Variants in GABRA5 observed in about 807,000 individuals in gnomAD.
The protein encoded by GABRA5 is gamma-aminobutyric acid receptor subunit alpha-5.
In GABRA5, 18 loss-of-function variants were observed where a neutral mutation model predicts 47.3. That is an observed-to-expected ratio of 0.38 (90% CI 0.26 to 0.56). GABRA5 has a LOEUF of 0.56. Ranked by LOEUF, GABRA5 falls within the 20% of genes least tolerant of loss-of-function variation. The probability of loss-of-function intolerance (pLI) is 0.71; values close to 1 mark genes in which losing one functional copy is unlikely to be tolerated. For synonymous variants in GABRA5, 237 were observed against 229.3 expected (o/e 1.03, Z -0.30); for missense variants, 365 against 599.3 (o/e 0.61, Z 4.08).
intron 3 of GABRA5, among the ~76,000 whole-genome samples, chr15:26,874,847 T>C (rs73363973): frequency 0.38 from 58,160 of 152,128 alleles, 11,376 homozygotes; most frequent in East Asian, 0.47. Context: ...ACAAGAACAA[T>C]TGGGCCATCA....
At chr15:26,869,737 G>T (rs910200167) in intron 3 of GABRA5, among the ~76,000 whole-genome samples, 2 of 152,212 alleles carry the variant, frequency 1.3e-5, no homozygotes, top group African/African-American at 4.8e-5. Context: ...TGCAATCAAA[G>T]TTGCCTTGAA....
intron 8 of GABRA5, among the ~76,000 whole-genome samples, chr15:26,939,024 A>C (rs1894316770): frequency 2.0e-5 from 3 of 152,142 alleles, no homozygotes; most frequent in African/African-American, 7.2e-5. Context: ...TGGAGCCCCC[A>C]AAGCCTGTTC....
chr15:26,937,656 AC>A (rs1249423468), intron 8 of GABRA5, among the ~76,000 whole-genome samples: 3 of 152,110 alleles, frequency 2.0e-5, no homozygotes, highest in Non-Finnish European at 4.4e-5. Context: ...CTGCTTCCCC[AC>A]CTCCTGCTTT....
At chr15:26,923,912 A>ATT (rs569522995) in intron 7 of GABRA5, among the ~76,000 whole-genome samples, 1 of 149,236 alleles carries the variant, frequency 6.7e-6, no homozygotes, top group East Asian at 2.0e-4. Flanking sequence ...TAAAACTTCT[A>ATT]TTTTTTTTTC....
intron 7 of GABRA5, among the ~76,000 whole-genome samples, chr15:26,929,176 G>A (rs1452628950): frequency 6.6e-6 from 1 of 152,194 alleles, no homozygotes; most frequent in Non-Finnish European, 1.5e-5. Flanking sequence ...GAGACCCAAG[G>A]TATGATTTAT....
At chr15:26,946,247 A>G (rs764929512) in intron 10 of GABRA5, among the ~76,000 whole-genome samples, 2 of 152,146 alleles carry the variant, frequency 1.3e-5, no homozygotes, top group African/African-American at 2.4e-5. Context: ...ATGAGACTAT[A>G]TTACTTTAGT....
chr15:26,891,347 G>A (rs1893000627), intron 6 of GABRA5, among the ~76,000 whole-genome samples: 2 of 152,174 alleles, frequency 1.3e-5, no homozygotes, highest in Admixed American at 6.5e-5. Flanking sequence ...TATCTTTATC[G>A]TCCTTCACAA....
chr15:26,874,890 C>T (rs1416497631), intron 3 of GABRA5, among the ~76,000 whole-genome samples: 2 of 152,178 alleles, frequency 1.3e-5, no homozygotes, highest in Non-Finnish European at 2.9e-5. Context: ...GTTTCAGGAC[C>T]GCTGGTGAAT....
rs571383770 is a variant in GABRA5, at chr15:26,877,876, C to G, written c.87-2970C>G. ...TCAAATATTTCTGTTATGTCTAAGA[C>G]TGTTGTTAGTAATAGGGATATAATC... is the stretch of plus-strand genomic sequence containing the variant. On this transcript the variant is annotated intron_variant, in intron 3 of 10. Transcript: ENST00000335625. Among the ~76,000 whole-genome samples the G allele has an allele frequency of 2.0e-4, 31 of 152,258 alleles. No individual in the cohort carries two copies. In the South Asian group the frequency reaches 6.0e-3, roughly 30 times the overall value.
chr15:26,919,096 T>C (rs1415211503), intron 7 of GABRA5, among the ~76,000 whole-genome samples: 1 of 152,154 alleles, frequency 6.6e-6, no homozygotes, highest in East Asian at 1.9e-4. Context: ...TGAGCCATAT[T>C]TACCCCACTG....
At chr15:26,888,901 G>T (rs1304797686) in intron 6 of GABRA5, among the ~76,000 whole-genome samples, 1 of 152,226 alleles carries the variant, frequency 6.6e-6, no homozygotes, top group African/African-American at 2.4e-5. Context: ...CAGGCAAGGA[G>T]GGAGTCCCTA....
chr15:26,875,899 T>C (rs1400230027), intron 3 of GABRA5, among the ~76,000 whole-genome samples: 3 of 152,148 alleles, frequency 2.0e-5, no homozygotes, highest in Non-Finnish European at 4.4e-5. Flanking sequence ...AAGCTCACTC[T>C]GGGTGCAGAG....
chr15:26,929,000 C>T (rs1046779434), intron 7 of GABRA5, among the ~76,000 whole-genome samples: 1 of 152,154 alleles, frequency 6.6e-6, no homozygotes, highest in Non-Finnish European at 1.5e-5. Flanking sequence ...ATGCCATCAT[C>T]TTGGGGCTGA....
chr15:26,893,324 G>A (rs1893069718), intron 6 of GABRA5, among the ~76,000 whole-genome samples: 1 of 73,010 alleles, frequency 1.4e-5, no homozygotes. Context: ...TGTATATGGC[G>A]TGTTGTGTGT....
intron 10 of GABRA5, among the ~76,000 whole-genome samples, chr15:26,947,531 C>A (rs111904876): frequency 2.0e-5 from 3 of 152,190 alleles, no homozygotes; most frequent in South Asian, 4.1e-4. Flanking sequence ...AAGACAGGAT[C>A]TCATTCTTTT....
intron 6 of GABRA5, among the ~76,000 whole-genome samples, chr15:26,894,117 C>G (rs529619642): frequency 6.6e-4 from 101 of 152,142 alleles, no homozygotes; most frequent in African/African-American, 2.2e-3. Flanking sequence ...CGCAGCGGCC[C>G]GGGCAGAAGC....
intron 7 of GABRA5, among the ~76,000 whole-genome samples, chr15:26,931,080 G>T (rs1894096212): frequency 6.7e-6 from 1 of 150,270 alleles, no homozygotes; most frequent in Non-Finnish European, 1.5e-5. Flanking sequence ...ATTTTTTTTG[G>T]TAGAGACGGG....
chr15:26,943,569 C>G (rs2140597214), intron 10 of GABRA5, 143 bp downstream of exon 10: 1 of 733,126 alleles, frequency 1.4e-6, no homozygotes, highest in Admixed American at 2.4e-5. Context: ...AGGCCCTTAC[C>G]AAGTCTTACT....
chr15:26,882,135 A>G (rs915449212), intron 4 of GABRA5, among the ~76,000 whole-genome samples: 2 of 152,212 alleles, frequency 1.3e-5, no homozygotes, highest in African/African-American at 4.8e-5. Flanking sequence ...CCAGCAGTCC[A>G]GTCCCTTGAA....
Sources: gnomAD v4.1 joint callset for allele counts (sites outside exome capture counted in the v4.1 genomes callset) on GRCh38, gnomAD v4.1.1 for gene constraint, MANE v1.5 for transcripts, NCBI Gene and HGNC (gene_info 2026-07-23, HGNC 2026-07-21) for gene names.